STK39: variants seen among roughly 807,000 people sequenced by gnomAD.
STK39 encodes STE20/SPS1-related proline-alanine-rich protein kinase.
Under a neutral mutation model 77.8 loss-of-function variants are expected in STK39, and 20 were observed. That is an observed-to-expected ratio of 0.26 (90% confidence interval 0.18 to 0.37). The LOEUF (loss-of-function observed/expected upper bound fraction) is 0.37. Ranked by LOEUF, STK39 falls within the 10% of genes least tolerant of loss-of-function variation. The pLI is 1.00. For missense variants in STK39, 479 were observed against 656.5 expected (o/e 0.73, Z 2.95); for synonymous variants, 246 against 234.1 (o/e 1.05, Z -0.47).
At chr2:168,188,584 T>C (rs539393953) in intron 1 of STK39, among the ~76,000 whole-genome samples, 2 of 152,346 alleles carry the variant, frequency 1.3e-5, no homozygotes, top group East Asian at 3.9e-4. Context: ...ATTGCAAGTG[T>C]GAAATTGCCA....
At chr2:168,119,634 C>T (rs958670684) in intron 10 of STK39, among the ~76,000 whole-genome samples, 1 of 152,146 alleles carries the variant, frequency 6.6e-6, no homozygotes, top group African/African-American at 2.4e-5. Context: ...AAGTCTGAGG[C>T]CTTCGACAAA....
chr2:167,982,976 T>A (rs541667698), intron 16 of STK39, among the ~76,000 whole-genome samples: 2 of 152,302 alleles, frequency 1.3e-5, no homozygotes, highest in Admixed American at 6.5e-5. Flanking sequence ...AGAGACACAA[T>A]CCATTTGGCT....
At chr2:168,090,575 C>T (rs1270296159) in intron 10 of STK39, among the ~76,000 whole-genome samples, 1 of 152,222 alleles carries the variant, frequency 6.6e-6, no homozygotes, top group African/African-American at 2.4e-5. Context: ...TGAAACTGTT[C>T]ACCTCTGTGA....
chr2:168,004,470 C>T (rs529567905), intron 16 of STK39, among the ~76,000 whole-genome samples: 3 of 152,224 alleles, frequency 2.0e-5, no homozygotes, highest in South Asian at 4.1e-4. Context: ...CGTTGGCTCA[C>T]ACCTGTAATC....
intron 1 of STK39, among the ~76,000 whole-genome samples, chr2:168,199,765 G>A (rs922397172): frequency 2.6e-5 from 4 of 151,978 alleles, no homozygotes; most frequent in African/African-American, 7.3e-5. Flanking sequence ...CGCCCACCTC[G>A]GCCTCCCAAA....
At chr2:167,957,742 T>G (rs934429870) in intron 17 of STK39, among the ~76,000 whole-genome samples, 2 of 152,206 alleles carry the variant, frequency 1.3e-5, no homozygotes, top group African/African-American at 4.8e-5. Flanking sequence ...TTAAAATGAC[T>G]AGAATAAAAC....
At chr2:168,211,060 G>A (rs191625596) in intron 1 of STK39, among the ~76,000 whole-genome samples, 2 of 152,158 alleles carry the variant, frequency 1.3e-5, no homozygotes, top group African/African-American at 4.8e-5. Context: ...CTCTATTTAC[G>A]TAATCACAAT....
intron 5 of STK39, among the ~76,000 whole-genome samples, chr2:168,154,221 T>A (rs986537661): frequency 6.6e-6 from 1 of 152,206 alleles, no homozygotes; most frequent in Non-Finnish European, 1.5e-5. Context: ...CTAAAAGAAC[T>A]GGGAAAGACT....
chr2:168,050,935 G>A (rs1043979394), intron 14 of STK39, among the ~76,000 whole-genome samples: 2 of 152,280 alleles, frequency 1.3e-5, no homozygotes, highest in East Asian at 1.9e-4. Flanking sequence ...CTAGCACTTC[G>A]GGGATTGCTA....
At chr2:168,136,211 CA>C (rs534830540) in intron 8 of STK39, among the ~76,000 whole-genome samples, 1 of 150,616 alleles carries the variant, frequency 6.6e-6, no homozygotes, top group Non-Finnish European at 1.5e-5. Flanking sequence ...TACTAAAATA[CA>C]AAAAAAATTA....
chr2:168,118,688 T>C (rs964595363), intron 10 of STK39, among the ~76,000 whole-genome samples: 1 of 151,578 alleles, frequency 6.6e-6, no homozygotes, highest in African/African-American at 2.4e-5. Flanking sequence ...CCTTGCTCTT[T>C]CCTCTACCCT....
At chr2:168,178,779 T>C (rs140674966) in intron 2 of STK39, among the ~76,000 whole-genome samples, 1 of 152,310 alleles carries the variant, frequency 6.6e-6, no homozygotes, top group East Asian at 1.9e-4. Context: ...GCTTGACTCC[T>C]TCTTCAGCAA....
chr2:168,049,991 CA>C (rs1463501184), intron 14 of STK39, among the ~76,000 whole-genome samples: 1 of 152,188 alleles, frequency 6.6e-6, no homozygotes, highest in East Asian at 1.9e-4. Flanking sequence ...GCACACCTTC[CA>C]AATTACCTTG....
Position 167,954,085 on chromosome 2 carries a change from T to TAAAC in STK39, c.*1407_*1410dup, listed in dbSNP as rs374920749. ...CAGTCATCTTCGAGTAATCGTTGTG[T>TAAAC]AAACAATAGAATGGAATGAAATTAC... is the stretch of plus-strand genomic sequence containing the variant. On this transcript the variant is annotated 3_prime_UTR_variant, in exon 18 of 18. Coordinates refer to ENST00000355999, the MANE Select transcript of STK39 (RefSeq NM_013233.3). The TAAAC allele has an allele frequency of 6.5e-6, 1 of 152,788 alleles. No individual in the cohort carries two copies. The highest frequency in any genetic ancestry group is 1.9e-4 in the East Asian group (1 of 5,190). The allele number at this position is 152,788 out of a possible 1,614,324, so 9.5% of individuals were successfully genotyped here. A position where few individuals can be genotyped will look rare whatever the true frequency, so the allele number is the denominator to read the frequency against.
At chr2:168,038,799 G>A (rs1303904880) in intron 14 of STK39, among the ~76,000 whole-genome samples, 1 of 152,066 alleles carries the variant, frequency 6.6e-6, no homozygotes, top group South Asian at 2.1e-4. Context: ...CATGAGAAAG[G>A]TTCAATGTCA....
intron 17 of STK39, among the ~76,000 whole-genome samples, chr2:167,957,068 C>T (rs979344155): frequency 6.6e-6 from 1 of 151,718 alleles, no homozygotes; most frequent in African/African-American, 2.4e-5. Flanking sequence ...TTCAAAAAAA[C>T]AGTACAGAAA....
At chr2:168,182,182 C>T (rs75809692) in intron 1 of STK39, 92 bp from the exon 2 acceptor site, 1 of 952,284 alleles carries the variant, frequency 1.1e-6, no homozygotes, top group East Asian at 2.5e-5. Context: ...TTTTTTTAAA[C>T]TCTTCTACTC....
rs150005716 is a variant in STK39 at position 168,182,666 on chromosome 2, T to G, written c.209-576A>C. Among the ~76,000 whole-genome samples, 9 of 152,280 alleles carry G rather than the reference T, an allele frequency of 5.9e-5. No homozygotes were observed. The East Asian group carries it at 1.7e-3, about 29-fold the overall frequency. ...TTGACATTCATATAAATTTTCTATT[T>G]CTAAGGTTTCATGATCATTAGCTAA... On this transcript the variant is annotated intron_variant, in intron 1 of 17. Coordinates refer to ENST00000355999, the MANE Select transcript of STK39 (RefSeq NM_013233.3).
At chr2:168,206,814 G>A (rs544700854) in intron 1 of STK39, among the ~76,000 whole-genome samples, 3 of 152,216 alleles carry the variant, frequency 2.0e-5, no homozygotes, top group South Asian at 4.1e-4. Flanking sequence ...TTACGGGTCC[G>A]GTATTCAAAG....
Sources: gnomAD v4.1 joint callset for allele counts (sites outside exome capture counted in the v4.1 genomes callset) on GRCh38, gnomAD v4.1.1 for gene constraint, MANE v1.5 for transcripts, NCBI Gene and HGNC (gene_info 2026-07-23, HGNC 2026-07-21) for gene names.